The following FAR2 variants were observed in gnomAD, a reference collection of about 807,000 sequenced individuals.
The protein encoded by FAR2 is fatty acyl-CoA reductase 2, also known as epididymis secretory protein Li 81.
A neutral mutation model predicts 56.0 loss-of-function variants in FAR2; 19 were observed. The observed-to-expected ratio is 0.34, with a 90% CI of 0.24 to 0.50. FAR2 has a LOEUF of 0.50. Ranked by LOEUF, FAR2 falls within the 20% of genes least tolerant of loss-of-function variation. FAR2 has a pLI of 0.98. For synonymous variants in FAR2, 219 were observed against 218.8 expected, an observed-to-expected ratio of 1.00 and a Z score of -0.01; for missense variants, 508 against 642.2, an observed-to-expected ratio of 0.79 and a Z score of 2.26.
At chr12:29,304,544 A>G (rs1301925538) in intron 4 of FAR2, among the ~76,000 whole-genome samples, 1 of 152,234 alleles carries the variant, frequency 6.6e-6, no homozygotes, top group Non-Finnish European at 1.5e-5. Flanking sequence ...CTGATAAACT[A>G]CTAGGCTTGC....
intron 1 of FAR2, among the ~76,000 whole-genome samples, chr12:29,170,434 C>T (rs1355723367): frequency 6.6e-6 from 1 of 152,236 alleles, no homozygotes; most frequent in Non-Finnish European, 1.5e-5. Context: ...TTTACACTGA[C>T]AACAAGGTGG....
At chr12:29,278,268 T>C (rs1371707854) in intron 2 of FAR2, among the ~76,000 whole-genome samples, 2 of 152,006 alleles carry the variant, frequency 1.3e-5, no homozygotes, top group Admixed American at 6.6e-5. Flanking sequence ...AATATGTTTA[T>C]ATTTAATAAG....
At chr12:29,264,501 G>A (rs1948477587) in intron 1 of FAR2, among the ~76,000 whole-genome samples, 1 of 151,982 alleles carries the variant, frequency 6.6e-6, no homozygotes, top group African/African-American at 2.4e-5. Context: ...TAGGCCAGGT[G>A]CATTGGCTCT....
At chr12:29,265,408 C>T (rs116082178) in intron 1 of FAR2, among the ~76,000 whole-genome samples, 2,137 of 152,042 alleles carry the variant, frequency 0.014, 45 homozygotes, top group African/African-American at 0.049. Flanking sequence ...GCAAAGGTGC[C>T]GAGAACATAC....
chr12:29,317,887 C>T (rs1284340242), intron 9 of FAR2: 2 of 152,564 alleles, frequency 1.3e-5, no homozygotes, highest in African/African-American at 2.4e-5. Context: ...TGGAGAAAGC[C>T]GAGTCTCAAA....
At chr12:29,308,719 C>CATATATATATATATATATAT (rs71042985) in intron 5 of FAR2, among the ~76,000 whole-genome samples, 2 of 132,378 alleles carry the variant, frequency 1.5e-5, no homozygotes, top group South Asian at 2.4e-4. Context: ...CACACACACA[C>CATATATATATATATATATAT]ATATATATAT....
chr12:29,310,304 AC>A (rs1481458960), intron 6 of FAR2, among the ~76,000 whole-genome samples: 1 of 152,230 alleles, frequency 6.6e-6, no homozygotes, highest in Admixed American at 6.5e-5. Context: ...AGAAAACAGA[AC>A]TGAGTAACAT....
chr12:29,256,702 G>A (rs1231432462), intron 1 of FAR2, among the ~76,000 whole-genome samples: 1 of 152,200 alleles, frequency 6.6e-6, no homozygotes, highest in Non-Finnish European at 1.5e-5. Flanking sequence ...CTGGAGTTCC[G>A]GGTGGGCGTG....
Position 29,185,012 on chromosome 12 carries a change from G to A in FAR2, c.-39+35605G>A, listed in dbSNP as rs527937239. Among the ~76,000 whole-genome samples the A allele has an allele frequency of 8.3e-4, 126 of 152,132 alleles. 1 individual carries two copies. Among genetic ancestry groups the A allele is most frequent in the African/African-American group, 2.9e-3 (119 of 41,508 alleles). ...ACCTCAGTTTCCTCTTAATAAAATG[G>A]AAGTGATAATGTCTGTTTCATAGGG... On this transcript the variant is annotated intron_variant, in intron 1 of 11. Coordinates refer to ENST00000536681, the MANE Select transcript of FAR2 (RefSeq NM_001271783.2).
intron 1 of FAR2, among the ~76,000 whole-genome samples, chr12:29,237,986 T>G (rs1947966620): frequency 6.6e-6 from 1 of 152,156 alleles, no homozygotes; most frequent in African/African-American, 2.4e-5. Context: ...TAAAACATTA[T>G]GCATGGGTAA....
chr12:29,318,564 A>G lies in FAR2; in HGVS notation c.1127+1552A>G, dbSNP rs145220280. ...GGTATGTATTTTAGCAATAATCTTT[A>G]TGGCAGAAAAAGCTGAAATCCTTCT... On this transcript the variant is annotated intron_variant, in intron 9 of 11. Coordinates refer to ENST00000536681, the MANE Select transcript of FAR2 (RefSeq NM_001271783.2). Among the ~76,000 whole-genome samples the G allele has an allele frequency of 3.4e-3, 521 of 152,298 alleles. 5 individuals carry two copies. Among genetic ancestry groups the G allele is most frequent in the African/African-American group, 0.012 (490 of 41,570 alleles).
chr12:29,157,999 A>G (rs1480459369), intron 1 of FAR2, among the ~76,000 whole-genome samples: 1 of 152,234 alleles, frequency 6.6e-6, no homozygotes, highest in African/African-American at 2.4e-5. Flanking sequence ...TTTAATACTG[A>G]AAGTTGTATG....
intron 2 of FAR2, among the ~76,000 whole-genome samples, chr12:29,278,141 G>A (rs1314578077): frequency 6.6e-6 from 1 of 151,726 alleles, no homozygotes; most frequent in African/African-American, 2.4e-5. Context: ...ATGTTGCTTA[G>A]GCTGGTCTTG....
chr12:29,264,889 ACT>A (rs35657475), intron 1 of FAR2, among the ~76,000 whole-genome samples: 20,647 of 152,022 alleles, frequency 0.14, 1,527 homozygotes, highest in Middle Eastern at 0.28. Flanking sequence ...CACAGTGGAC[ACT>A]CTGAAAAAGA....
Position 29,157,106 on chromosome 12 carries a change from TTATATATATATATATATATA to T in FAR2, c.-39+7719_-39+7738del, listed in dbSNP as rs5797307. Reference sequence around the variant, plus strand: ...CACCAGTATTAAAGCAAAGAACATTTTATATATATATATATATATATATATATATATATATATATGTATCA... The same window carrying T: ...CACCAGTATTAAAGCAAAGAACATTTTATATATATATATATATATGTATCA... On this transcript the variant is annotated intron_variant, in intron 1 of 11. Coordinates refer to ENST00000536681, the MANE Select transcript of FAR2 (RefSeq NM_001271783.2). The T allele has an allele frequency of 6.1e-3, 446 of 73,456 alleles. 7 individuals are homozygous for T. The highest frequency in any genetic ancestry group is 0.021 in the African/African-American group (402 of 18,938). 4.6% of individuals were successfully genotyped at this position (73,456 alleles called of 1,614,324 possible). A position where few individuals can be genotyped will look rare whatever the true frequency, so the allele number is the denominator to read the frequency against.
chr12:29,287,030 A>T (rs1948888060), intron 2 of FAR2, among the ~76,000 whole-genome samples: 1 of 152,226 alleles, frequency 6.6e-6, no homozygotes. Context: ...CAATGGCAGA[A>T]TCAGAATTCA....
chr12:29,195,172 G>A (rs11050111), intron 1 of FAR2, among the ~76,000 whole-genome samples: 38,370 of 152,020 alleles, frequency 0.25, 5,147 homozygotes, highest in East Asian at 0.35. Flanking sequence ...ATTTTCTGAC[G>A]CAGTCCTTCT....
In FAR2 at chr12:29,258,416, A is replaced by T. The variant is rs78462994; in HGVS notation, c.-38-11996A>T. Among the ~76,000 whole-genome samples, 766 of 152,220 alleles carry T rather than the reference A, an allele frequency of 5.0e-3. 26 individuals carry two copies. The East Asian group carries it at 0.071, about 14-fold the overall frequency. ...AGACATTACATAAATATATGTATAA[A>T]TTTTTTTCATTGACATTATTTTGAA... On this transcript the variant is annotated intron_variant, in intron 1 of 11. Transcript: ENST00000536681.
intron 2 of FAR2, among the ~76,000 whole-genome samples, chr12:29,274,552 T>A (rs1214356049): frequency 6.6e-6 from 1 of 152,048 alleles, no homozygotes; most frequent in Non-Finnish European, 1.5e-5. Flanking sequence ...CCTTTGGGTA[T>A]TGTCAGGCCT....
Sources: gnomAD v4.1 joint callset for allele counts (sites outside exome capture counted in the v4.1 genomes callset) on GRCh38, gnomAD v4.1.1 for gene constraint, MANE v1.5 for transcripts, NCBI Gene and HGNC (gene_info 2026-07-23, HGNC 2026-07-21) for gene names.